The following LRRC7 variants were observed in gnomAD, a reference collection of about 807,000 sequenced individuals.
LRRC7 encodes leucine rich repeat containing 7, also known as leucine-rich repeat-containing protein 7.
LRRC7 carries 23 observed loss-of-function variants against 175.7 expected under a neutral mutation model. That is an observed-to-expected ratio of 0.13 (90% CI 0.09 to 0.19). LRRC7 has a LOEUF of 0.19. Among genes scored for constraint, LRRC7 ranks in the 10% least tolerant of loss-of-function variants. The probability of loss-of-function intolerance (pLI) is 1.00; values close to 1 mark genes in which losing one functional copy is unlikely to be tolerated. For synonymous variants in LRRC7, 685 were observed against 680.9 expected (o/e 1.01, Z -0.09); for missense variants, 1,354 against 1,904.7 (o/e 0.71, Z 5.38).
chr1:69,681,619 A>G (rs1298703775), intron 2 of LRRC7, among the ~76,000 whole-genome samples: 1 of 152,148 alleles, frequency 6.6e-6, no homozygotes, highest in African/African-American at 2.4e-5. Flanking sequence ...TGTTTAAGGT[A>G]TTCCCCATTA....
chr1:69,694,356 G>GC (rs1462052125), intron 2 of LRRC7, among the ~76,000 whole-genome samples: 2 of 152,054 alleles, frequency 1.3e-5, no homozygotes, highest in Non-Finnish European at 2.9e-5. Flanking sequence ...CATTCTTCAT[G>GC]CTGTAATTCT....
intron 7 of LRRC7, among the ~76,000 whole-genome samples, chr1:69,882,472 G>A (rs1040175407): frequency 8.5e-5 from 13 of 152,144 alleles, no homozygotes; most frequent in African/African-American, 2.9e-4. Flanking sequence ...CCTATTGACT[G>A]ATGAATGGAT....
chr1:69,583,226 G>T (rs994168637), intron 1 of LRRC7, among the ~76,000 whole-genome samples: 4 of 151,460 alleles, frequency 2.6e-5, no homozygotes, highest in Admixed American at 1.3e-4. Context: ...TTTTAATTTT[G>T]CTCAGATCTA....
intron 8 of LRRC7, among the ~76,000 whole-genome samples, chr1:69,951,841 G>A (rs549540633): frequency 1.3e-5 from 2 of 152,066 alleles, no homozygotes; most frequent in South Asian, 4.2e-4. Context: ...TGGGTACCAG[G>A]CTGAATACCT....
At chr1:69,949,809 G>A (rs1570772070) in intron 8 of LRRC7, among the ~76,000 whole-genome samples, 2 of 151,992 alleles carry the variant, frequency 1.3e-5, no homozygotes, top group Admixed American at 1.3e-4. Flanking sequence ...CCTTCCAAAA[G>A]CATTACTAAT....
chr1:69,728,535 A>C (rs1667226829), intron 2 of LRRC7, among the ~76,000 whole-genome samples: 1 of 152,174 alleles, frequency 6.6e-6, no homozygotes, highest in Non-Finnish European at 1.5e-5. Flanking sequence ...CTACATCAAA[A>C]TATCTGCCAT....
intron 7 of LRRC7, chr1:69,919,510 C>G: frequency 4.7e-6 from 4 of 848,660 alleles, no homozygotes; most frequent in African/African-American, 1.7e-5. Context: ...GCAGGGGGAG[C>G]CCGCCAGGGT....
At chr1:69,746,287 TCTTTA>T (rs913140426) in intron 2 of LRRC7, among the ~76,000 whole-genome samples, 2 of 151,998 alleles carry the variant, frequency 1.3e-5, no homozygotes, top group Admixed American at 1.3e-4. Flanking sequence ...ATTTTTGAAA[TCTTTA>T]CTTGATCCTT....
At chr1:69,923,446 T>C (rs1440652479) in intron 7 of LRRC7, among the ~76,000 whole-genome samples, 1 of 151,014 alleles carries the variant, frequency 6.6e-6, no homozygotes, top group Non-Finnish European at 1.5e-5. Context: ...AGTGTAAAAG[T>C]GTTCCTATTT....
Position 70,129,117 on chromosome 1 carries a change from C to T in LRRC7, c.*7230C>T, listed in dbSNP as rs929457945. On this transcript the variant is annotated 3_prime_UTR_variant, in exon 27 of 27. Coordinates refer to ENST00000651989, the MANE Select transcript of LRRC7 (RefSeq NM_001370785.2). ...GAAAAATTAGCCGGGCATTGTGGCGCGCACCTGTAATCCTAGTTACTGGGG... is the reference window on the plus strand; with the variant it reads ...GAAAAATTAGCCGGGCATTGTGGCGTGCACCTGTAATCCTAGTTACTGGGG... Among the ~76,000 whole-genome samples, 32 of 151,858 alleles carry T rather than the reference C, an allele frequency of 2.1e-4. No individual in the cohort carries two copies. Among genetic ancestry groups the T allele is most frequent in the South Asian group, 4.2e-4 (2 of 4,810 alleles).
At chr1:69,614,550 T>C (rs1177429475) in intron 1 of LRRC7, among the ~76,000 whole-genome samples, 1 of 152,026 alleles carries the variant, frequency 6.6e-6, no homozygotes, top group Non-Finnish European at 1.5e-5. Context: ...CTGAGGCACG[T>C]TGATATCATT....
At chr1:69,644,587 C>T (rs1319819881) in intron 1 of LRRC7, among the ~76,000 whole-genome samples, 2 of 151,922 alleles carry the variant, frequency 1.3e-5, no homozygotes, top group Admixed American at 1.3e-4. Context: ...TATGGTTTCA[C>T]TGGTGACTTC....
At chr1:69,886,564 T>C (rs1295220412) in intron 7 of LRRC7, among the ~76,000 whole-genome samples, 4 of 151,300 alleles carry the variant, frequency 2.6e-5, no homozygotes, top group Admixed American at 6.6e-5. Flanking sequence ...GTCTTGACTC[T>C]TTATCCAATT....
chr1:69,914,102 C>T (rs1646616670), intron 7 of LRRC7, among the ~76,000 whole-genome samples: 1 of 152,198 alleles, frequency 6.6e-6, no homozygotes, highest in South Asian at 2.1e-4. Context: ...TTTTCCTGTC[C>T]TTGTGCCATG....
chr1:69,895,287 A>T (rs1160890970), intron 7 of LRRC7, among the ~76,000 whole-genome samples: 3 of 152,154 alleles, frequency 2.0e-5, no homozygotes, highest in Non-Finnish European at 4.4e-5. Context: ...TTACTACAAA[A>T]ATAAATGAAC....
chr1:69,668,919 T>C (rs1267543793), intron 1 of LRRC7, among the ~76,000 whole-genome samples: 3 of 152,222 alleles, frequency 2.0e-5, no homozygotes, highest in South Asian at 2.1e-4. Context: ...TTTTTTCATA[T>C]GTTTTTTGGC....
intron 7 of LRRC7, among the ~76,000 whole-genome samples, chr1:69,865,787 T>C (rs1367572886): frequency 6.6e-6 from 1 of 152,040 alleles, no homozygotes; most frequent in African/African-American, 2.4e-5. Context: ...GCCCGACCGT[T>C]CCTTTTATGT....
chr1:69,631,905 C>A (rs1652568419), intron 1 of LRRC7, among the ~76,000 whole-genome samples: 1 of 152,084 alleles, frequency 6.6e-6, no homozygotes, highest in East Asian at 1.9e-4. Context: ...CTGATCATGT[C>A]TGTTTCCTAC....
At chr1:69,843,922 G>GA (rs1198821282) in intron 7 of LRRC7, among the ~76,000 whole-genome samples, 1 of 151,974 alleles carries the variant, frequency 6.6e-6, no homozygotes, top group Non-Finnish European at 1.5e-5. Context: ...TGAGACAACT[G>GA]ACAAAATTTG....
Sources: gnomAD v4.1 joint callset for allele counts (sites outside exome capture counted in the v4.1 genomes callset) on GRCh38, gnomAD v4.1.1 for gene constraint, MANE v1.5 for transcripts, NCBI Gene and HGNC (gene_info 2026-07-23, HGNC 2026-07-21) for gene names.